The following CSMD2 variants were observed in gnomAD, a reference collection of about 807,000 sequenced individuals.
CSMD2 encodes CUB and Sushi multiple domains 2, also known as CUB and sushi domain-containing protein 2.
CSMD2 carries 130 observed loss-of-function variants against 398.5 expected under a neutral mutation model. The observed-to-expected ratio is 0.33, with a 90% CI of 0.28 to 0.38. The LOEUF (loss-of-function observed/expected upper bound fraction) is 0.38, where lower values mean the gene tolerates loss of function less well. Ranked by LOEUF, CSMD2 falls within the 10% of genes least tolerant of loss-of-function variation. The pLI, the probability that CSMD2 is intolerant of heterozygous loss-of-function variation, is 1.00. For missense variants in CSMD2, 3,829 were observed against 4,764.9 expected, an observed-to-expected ratio of 0.80 and a Z score of 5.78; for synonymous variants, 1,828 against 1,908.5, an observed-to-expected ratio of 0.96 and a Z score of 1.10.
intron 10 of CSMD2, among the ~76,000 whole-genome samples, chr1:33,796,179 A>G (rs1403048599): frequency 1.3e-5 from 2 of 152,360 alleles, no homozygotes; most frequent in East Asian, 1.9e-4. Flanking sequence ...CAAGACAATC[A>G]TAGTCTTTGA....
intron 15 of CSMD2, 21 bp from the exon 16 acceptor site, chr1:33,726,706 G>T: frequency 6.3e-7 from 1 of 1,597,646 alleles, no homozygotes. Flanking sequence ...AGAAGGAAGA[G>T]AGGCAGCTTT....
At chr1:33,856,929 C>T (rs1639139387) in intron 5 of CSMD2, among the ~76,000 whole-genome samples, 1 of 151,680 alleles carries the variant, frequency 6.6e-6, no homozygotes, top group Non-Finnish European at 1.5e-5. Flanking sequence ...ACAAAGTTCC[C>T]TCTAAGGCCT....
chr1:33,621,707 A>T (rs745815663), intron 37 of CSMD2, among the ~76,000 whole-genome samples: 2 of 152,188 alleles, frequency 1.3e-5, no homozygotes, highest in Non-Finnish European at 2.9e-5. Flanking sequence ...GGTAGTGACC[A>T]CTTAGGGATG....
At chr1:34,161,180 T>C (rs2148584657) in intron 1 of CSMD2, among the ~76,000 whole-genome samples, 1 of 152,208 alleles carries the variant, frequency 6.6e-6, no homozygotes, top group African/African-American at 2.4e-5. Context: ...ACAAAGGAAA[T>C]ACGGGAGGCT....
At chr1:33,988,979 G>T (rs1467749339) in intron 3 of CSMD2, among the ~76,000 whole-genome samples, 2 of 108,494 alleles carry the variant, frequency 1.8e-5, no homozygotes, top group African/African-American at 6.5e-5. Flanking sequence ...AAACCTTCAT[G>T]GCTTTGGGAC....
intron 9 of CSMD2, among the ~76,000 whole-genome samples, chr1:33,812,344 C>T (rs1656958588): frequency 6.6e-6 from 1 of 152,194 alleles, no homozygotes; most frequent in South Asian, 2.1e-4. Flanking sequence ...CTCATCACCT[C>T]CTGGGAGGAG....
chr1:33,540,352 T>C (rs1196631127), intron 60 of CSMD2, among the ~76,000 whole-genome samples, 173 bp downstream of exon 60: 1 of 152,132 alleles, frequency 6.6e-6, no homozygotes, highest in Admixed American at 6.5e-5. Flanking sequence ...TAAGGGATCC[T>C]CATTTTCTTC....
At chr1:33,695,324 T>C (rs926168264) in intron 24 of CSMD2, among the ~76,000 whole-genome samples, 4 of 152,160 alleles carry the variant, frequency 2.6e-5, no homozygotes, top group African/African-American at 9.7e-5. Flanking sequence ...ATTGCAGTGA[T>C]TATACATGTG....
At chr1:33,526,998 T>G (rs1654836817) in intron 65 of CSMD2, among the ~76,000 whole-genome samples, 198 bp downstream of exon 65, 1 of 152,208 alleles carries the variant, frequency 6.6e-6, no homozygotes, top group Admixed American at 6.5e-5. Flanking sequence ...AGATGAAGTT[T>G]CTGCTTCCTT....
chr1:34,134,052 C>CAAAAAAAA lies in CSMD2; in HGVS notation c.187+30851_187+30858dup, dbSNP rs59062675. Among the ~76,000 whole-genome samples, 29 of 85,226 alleles carry CAAAAAAAA rather than the reference C, an allele frequency of 3.4e-4. No homozygotes were observed. The East Asian group carries it at 5.0e-3, about 15-fold the overall frequency. 55.9% of individuals were successfully genotyped at this position (85,226 alleles called of 152,430 possible). On this transcript the variant is annotated intron_variant, in intron 1 of 70. Transcript: ENST00000373381. Reference sequence around the variant, plus strand: ...TGGGTGACAGAGTGAGACTCTGTCTCAAAAAAAAAAAAAAAAAAAAAAAAA... The same window carrying CAAAAAAAA: ...TGGGTGACAGAGTGAGACTCTGTCTCAAAAAAAAAAAAAAAAAAAAAAAAAAAAAAAAA...
At chr1:34,058,966 G>T (rs1453873533) in intron 2 of CSMD2, among the ~76,000 whole-genome samples, 3 of 152,010 alleles carry the variant, frequency 2.0e-5, no homozygotes, top group Non-Finnish European at 4.4e-5. Flanking sequence ...TTAGGTGGCG[G>T]TCAGTGAATG....
At chr1:33,967,083 A>G (rs1218127134) in intron 3 of CSMD2, among the ~76,000 whole-genome samples, 1 of 152,224 alleles carries the variant, frequency 6.6e-6, no homozygotes, top group Non-Finnish European at 1.5e-5. Flanking sequence ...AGCTTTAGTT[A>G]AACTCCATGC....
In CSMD2 at chr1:33,959,605, G is replaced by A. The variant is rs183753617; in HGVS notation, c.518-23651C>T. 6.2e-4 allele frequency among the ~76,000 whole-genome samples: 94 copies of A among 152,218 alleles called. 1 individual carries two copies. The highest frequency in any genetic ancestry group is 2.1e-3 in the Admixed American group (32 of 15,288). ...GCAAAGCAGCACAGTTGCTCACCCTGCCCCCTCTCCCTCCTGCTGCCCTTG... is the reference window on the plus strand; with the variant it reads ...GCAAAGCAGCACAGTTGCTCACCCTACCCCCTCTCCCTCCTGCTGCCCTTG... On this transcript the variant is annotated intron_variant, in intron 3 of 70. Transcript: ENST00000373381.
At chr1:34,069,466 C>T (rs1033183117) in intron 2 of CSMD2, among the ~76,000 whole-genome samples, 1 of 152,200 alleles carries the variant, frequency 6.6e-6, no homozygotes, top group African/African-American at 2.4e-5. Context: ...AGAATCTTCA[C>T]AACTCTTTTG....
chr1:34,018,956 A>G (rs1303188992), intron 3 of CSMD2, among the ~76,000 whole-genome samples: 1 of 152,212 alleles, frequency 6.6e-6, no homozygotes, highest in East Asian at 1.9e-4. Context: ...AATAGTCGCA[A>G]CTATGTGAAA....
chr1:33,910,509 C>T (rs975676594), intron 5 of CSMD2, among the ~76,000 whole-genome samples: 4 of 152,200 alleles, frequency 2.6e-5, no homozygotes, highest in African/African-American at 7.2e-5. Flanking sequence ...CTTGCCAGGG[C>T]TTCCACTCCC....
chr1:33,803,399 C>T (rs1655843893), intron 10 of CSMD2, among the ~76,000 whole-genome samples: 1 of 152,202 alleles, frequency 6.6e-6, no homozygotes, highest in South Asian at 2.1e-4. Context: ...ATTGAATGAA[C>T]CACAGACATT....
At chr1:34,085,837 T>C (rs530735093) in intron 2 of CSMD2, among the ~76,000 whole-genome samples, 233 of 152,264 alleles carry the variant, frequency 1.5e-3, no homozygotes, top group Non-Finnish European at 2.1e-3. Context: ...AAAGACTCTT[T>C]ACTTCTTCCC....
At chr1:33,528,038 C>A (rs1053496927) in intron 64 of CSMD2, among the ~76,000 whole-genome samples, 1 of 151,968 alleles carries the variant, frequency 6.6e-6, no homozygotes, top group Non-Finnish European at 1.5e-5. Flanking sequence ...ACGGTGAACT[C>A]TGTGAGTCCT....
Sources: allele counts gnomAD v4.1 joint callset (sites outside exome capture counted in the v4.1 genomes callset), GRCh38; gene constraint gnomAD v4.1.1; transcripts MANE v1.5; gene names NCBI Gene and HGNC (gene_info 2026-07-23, HGNC 2026-07-21).